EXOC6: variants seen among roughly 807,000 people sequenced by gnomAD.
The protein encoded by EXOC6 is SEC15-like 1.
In EXOC6, 60 loss-of-function variants were observed where a neutral mutation model predicts 112.5. The ratio of observed to expected loss-of-function variants is 0.53; its 90% CI spans 0.43 to 0.66. The LOEUF is 0.66. EXOC6 is among the 30% of genes least tolerant of loss of function. EXOC6 has a pLI of 0.00. For synonymous variants in EXOC6, 295 were observed against 308.0 expected, an observed-to-expected ratio of 0.96 and a Z score of 0.44; for missense variants, 855 against 957.1, an observed-to-expected ratio of 0.89 and a Z score of 1.41.
intron 20 of EXOC6, among the ~76,000 whole-genome samples, chr10:93,023,204 C>T (rs536045595): frequency 3.8e-4 from 58 of 152,140 alleles, no homozygotes; most frequent in African/African-American, 1.3e-3. Context: ...TACCTGCCCA[C>T]CCGGACTTTG....
intron 8 of EXOC6, among the ~76,000 whole-genome samples, chr10:92,927,423 AGATGGAATGT>A (rs1258270518): frequency 6.6e-6 from 1 of 152,246 alleles, no homozygotes. Flanking sequence ...GTGATGAGCT[AGATGGAATGT>A]GGACCATATT....
chr10:92,937,428 T>G (rs566147139), intron 12 of EXOC6, among the ~76,000 whole-genome samples: 1 of 152,326 alleles, frequency 6.6e-6, no homozygotes, highest in South Asian at 2.1e-4. Context: ...TTATATAATA[T>G]GCTTTGGGAA....
chr10:92,847,951 T>C (rs1442235781), upstream of EXOC6, among the ~76,000 whole-genome samples: 1 of 151,920 alleles, frequency 6.6e-6, no homozygotes, highest in East Asian at 1.9e-4. Flanking sequence ...TGTGGACTTC[T>C]TGCAGGCGGG....
At chr10:93,056,889 A>C in intron 20 of EXOC6, 35 bp from the exon 21 acceptor site, 1 of 1,238,690 alleles carries the variant, frequency 8.1e-7, no homozygotes, top group Non-Finnish European at 1.2e-6. Flanking sequence ...GTAAATAATC[A>C]AAAGTTGATT....
intron 17 of EXOC6, among the ~76,000 whole-genome samples, chr10:92,973,092 A>T (rs1842363076): frequency 6.6e-6 from 1 of 152,216 alleles, no homozygotes; most frequent in Non-Finnish European, 1.5e-5. Flanking sequence ...CCCCTGGGGA[A>T]AAGGCTTTTT....
intron 8 of EXOC6, among the ~76,000 whole-genome samples, chr10:92,922,396 G>A (rs1453473419): frequency 4.6e-5 from 7 of 152,068 alleles, no homozygotes; most frequent in Non-Finnish European, 7.4e-5. Context: ...GGCTATGTTG[G>A]ATATTATAGT....
chr10:92,919,946 G>T, intron 7 of EXOC6, 36 bp from the exon 8 acceptor site: 1 of 1,339,022 alleles, frequency 7.5e-7, no homozygotes, highest in South Asian at 1.3e-5. Flanking sequence ...CTAATAGTTT[G>T]ACCTATAATT....
chr10:92,870,639 T>C (rs1848401792), intron 1 of EXOC6, among the ~76,000 whole-genome samples: 1 of 152,204 alleles, frequency 6.6e-6, no homozygotes, highest in African/African-American at 2.4e-5. Context: ...TTTGGATCAA[T>C]GTTACACTCA....
At chr10:92,940,962 AT>A (rs1449459400) in intron 13 of EXOC6, 138 bp downstream of exon 13, 2 of 672,490 alleles carry the variant, frequency 3.0e-6, no homozygotes, top group Non-Finnish European at 5.1e-6. Flanking sequence ...CATCTTAGCC[AT>A]TTTCAAGTGT....
At chr10:92,869,453 C>T (rs1036572465) in intron 1 of EXOC6, among the ~76,000 whole-genome samples, 1 of 152,060 alleles carries the variant, frequency 6.6e-6, no homozygotes, top group African/African-American at 2.4e-5. Flanking sequence ...GGACTATAGG[C>T]ACATGCCACC....
chr10:92,896,113 A>ATATATGTGTG (rs1554889116), intron 4 of EXOC6, among the ~76,000 whole-genome samples: 1 of 33,126 alleles, frequency 3.0e-5, no homozygotes, highest in African/African-American at 1.6e-4. Flanking sequence ...ATATATGTGT[A>ATATATGTGTG]TATATATGTG....
In EXOC6 at chr10:92,909,636, G is replaced by C; in HGVS notation, c.663+5G>C. ...GGTGAAACAGCAATGAAACAGGTGA[G>C]ATTAAAAATAATTTTGATTTAATAT... On this transcript the variant is annotated splice_donor_5th_base_variant and intron_variant, in intron 6 of 21. Coordinates refer to ENST00000260762, the MANE Select transcript of EXOC6 (RefSeq NM_019053.6). The C allele has an allele frequency of 2.6e-6, 4 of 1,558,040 alleles. No individual in the cohort carries two copies. The highest frequency in any genetic ancestry group is 3.5e-6 in the Non-Finnish European group (4 of 1,139,622).
chr10:92,877,233 A>G (rs1848721773), intron 1 of EXOC6, among the ~76,000 whole-genome samples: 1 of 152,140 alleles, frequency 6.6e-6, no homozygotes, highest in Non-Finnish European at 1.5e-5. Context: ...TGTATTACTG[A>G]CATTGAACAT....
chr10:92,867,673 G>A (rs1468859177), intron 1 of EXOC6, among the ~76,000 whole-genome samples: 1 of 152,136 alleles, frequency 6.6e-6, no homozygotes, highest in Non-Finnish European at 1.5e-5. Context: ...GCCAAAGATT[G>A]TATTTAACTT....
intron 4 of EXOC6, among the ~76,000 whole-genome samples, chr10:92,896,742 G>T (rs774297592): frequency 6.6e-6 from 1 of 152,004 alleles, no homozygotes; most frequent in African/African-American, 2.4e-5. Context: ...TTTTGGTAGA[G>T]GTGGGGTTTC....
chr10:93,033,164 G>A (rs1375670176), intron 20 of EXOC6, among the ~76,000 whole-genome samples: 1 of 152,134 alleles, frequency 6.6e-6, no homozygotes, highest in Admixed American at 6.5e-5. Flanking sequence ...ACTCTGATTT[G>A]TATTTTGAGA....
At chr10:92,905,308 A>C (rs1165131632) in intron 5 of EXOC6, among the ~76,000 whole-genome samples, 2 of 152,052 alleles carry the variant, frequency 1.3e-5, no homozygotes, top group Non-Finnish European at 2.9e-5. Flanking sequence ...TGATATTCAC[A>C]AAATAAGTTG....
rs1273494526 is a variant in EXOC6 at position 93,059,158 on chromosome 10, A to G, written c.*803A>G. The G allele has an allele frequency of 6.6e-6, 1 of 152,250 alleles. No homozygotes were observed. The highest frequency in any genetic ancestry group is 6.5e-5 in the Admixed American group (1 of 15,286). 9.4% of individuals were successfully genotyped at this position (152,250 alleles called of 1,614,324 possible). ...GTGCGAGGGTAGATGGTTCCTGCAC[A>G]CAGAAGTTACCACAGGGGTCAGGTT... is the stretch of plus-strand genomic sequence containing the variant. On this transcript the variant is annotated 3_prime_UTR_variant, in exon 22 of 22. Coordinates refer to ENST00000260762, the MANE Select transcript of EXOC6 (RefSeq NM_019053.6).
chr10:92,907,279 T>C lies in EXOC6; in HGVS notation c.459-2148T>C, dbSNP rs528109754. Among the ~76,000 whole-genome samples, 6 of 152,344 alleles carry C rather than the reference T, an allele frequency of 3.9e-5. No homozygotes were observed. In the South Asian group the frequency reaches 1.0e-3, roughly 26 times the overall value. Reference sequence around the variant, plus strand: ...ACCTTTAGGGAGGTTGTATATGTTATTGCAAATCATAACCTTCCCTCCAGG... The same window carrying C: ...ACCTTTAGGGAGGTTGTATATGTTACTGCAAATCATAACCTTCCCTCCAGG... On this transcript the variant is annotated intron_variant, in intron 5 of 21. Transcript: ENST00000260762.
Sources: allele counts gnomAD v4.1 joint callset (sites outside exome capture counted in the v4.1 genomes callset), GRCh38; gene constraint gnomAD v4.1.1; transcripts MANE v1.5; gene names NCBI Gene and HGNC (gene_info 2026-07-23, HGNC 2026-07-21).